CREG2: variants seen among roughly 807,000 people sequenced by gnomAD.
CREG2 encodes the protein protein CREG2.
In CREG2, 24 loss-of-function variants were observed where a neutral mutation model predicts 26.2. The ratio of observed to expected loss-of-function variants is 0.92; its 90% CI spans 0.66 to 1.29. The LOEUF is 1.29. Among genes scored for constraint, CREG2 ranks in the 50% most tolerant of loss-of-function variants. The probability of loss-of-function intolerance (pLI) is 0.00; values close to 1 mark genes in which losing one functional copy is unlikely to be tolerated. For missense variants in CREG2, 366 were observed against 398.6 expected (o/e 0.92, Z 0.70); for synonymous variants, 174 against 169.2 (o/e 1.03, Z -0.22).
At chr2:101,369,670 T>C (rs1684674157) in intron 2 of CREG2, among the ~76,000 whole-genome samples, 1 of 152,218 alleles carries the variant, frequency 6.6e-6, no homozygotes, top group African/African-American at 2.4e-5. Context: ...TATTTCCATG[T>C]GCGTCTTATA....
intron 3 of CREG2, among the ~76,000 whole-genome samples, chr2:101,351,741 T>C (rs934603826): frequency 2.0e-5 from 3 of 152,306 alleles, no homozygotes; most frequent in Middle Eastern, 3.4e-3. Flanking sequence ...GGGCAGGGGC[T>C]GTGGCTTACT....
At chr2:101,356,198 G>A (rs1004295237) in intron 2 of CREG2, among the ~76,000 whole-genome samples, 5 of 152,092 alleles carry the variant, frequency 3.3e-5, no homozygotes, top group African/African-American at 7.2e-5. Context: ...TTGCTTCTTC[G>A]CCTCTCGAAG....
In CREG2 at chr2:101,350,766, C is replaced by A. The variant is rs1030957785; in HGVS notation, c.*157G>T. ...ATGACCACTTTAATCTCAAATCTAG[C>A]ATAGAGTTCCCTGTTCACCCTCTCT... On this transcript the variant is annotated 3_prime_UTR_variant, in exon 4 of 4. Coordinates refer to ENST00000324768, the MANE Select transcript of CREG2 (RefSeq NM_153836.4). The A allele has an allele frequency of 7.0e-6, 5 of 711,290 alleles. No individual in the cohort carries two copies. The African/African-American group carries it at 8.8e-5, about 13-fold the overall frequency. 44.1% of individuals were successfully genotyped at this position (711,290 alleles called of 1,614,324 possible). A position where few individuals can be genotyped will look rare whatever the true frequency, so the allele number is the denominator to read the frequency against.
Position 101,346,119 on chromosome 2 carries a change from A to G in CREG2, c.*4804T>C, listed in dbSNP as rs1057408537. On this transcript the variant is annotated 3_prime_UTR_variant, in exon 4 of 4. Coordinates refer to ENST00000324768, the MANE Select transcript of CREG2 (RefSeq NM_153836.4). ...CTCCCAAAGTGTTTGGATTACAGGC[A>G]TGAGCTACCTTGCTCAGCCTAGAAA... 1 of 149,780 alleles carries G rather than the reference A, an allele frequency of 6.7e-6. No homozygotes were observed. Among genetic ancestry groups the G allele is most frequent in the East Asian group, 2.1e-4 (1 of 4,808 alleles). 9.3% of individuals were successfully genotyped at this position (149,780 alleles called of 1,614,324 possible).
intron 2 of CREG2, among the ~76,000 whole-genome samples, chr2:101,369,811 G>A (rs1396292282): frequency 6.6e-6 from 1 of 152,160 alleles, no homozygotes; most frequent in African/African-American, 2.4e-5. Context: ...TGGAATAGGT[G>A]GCCTGCATGG....
chr2:101,387,177 G>A lies in CREG2; in HGVS notation c.281C>T (p.Ala94Val). ...HLRPRAGAAR[A>V]RPPPAPPGMF... ...CCCGGGTGGCGCGGGGGGCGGCCTG[G>A]CCCGGGCGGCGCCCGCCCGGGGCCG... The change falls in exon 1 of 4, where the codon GCC (alanine) becomes GTC (valine). Residue 94 changes from alanine to valine, a missense_variant. Ala to Val is a moderately conservative substitution (Grantham distance 64). Coordinates refer to ENST00000324768, the MANE Select transcript of CREG2 (RefSeq NM_153836.4). This position sits in a 1 kb window ranked among gnomAD's most constrained non-coding sequence, Gnocchi z 4.7. 2.3e-6 allele frequency: 3 copies of A among 1,322,708 alleles called. No homozygotes were observed. The highest frequency in any genetic ancestry group is 2.9e-6 in the Non-Finnish European group (3 of 1,028,650). 81.9% of individuals were successfully genotyped at this position (1,322,708 alleles called of 1,614,324 possible).
intron 2 of CREG2, among the ~76,000 whole-genome samples, chr2:101,378,508 A>G (rs755334222): frequency 6.6e-6 from 1 of 152,168 alleles, no homozygotes; most frequent in African/African-American, 2.4e-5. Context: ...AGGAGTTCGC[A>G]CTTTATAACA....
chr2:101,350,889 A>C lies in CREG2; in HGVS notation c.*34T>G. 6.2e-7 allele frequency: 1 copy of C among 1,609,080 alleles called. No homozygotes were observed. Among genetic ancestry groups the C allele is most frequent in the East Asian group, 2.2e-5 (1 of 44,864 alleles). On this transcript the variant is annotated 3_prime_UTR_variant, in exon 4 of 4. Transcript: ENST00000324768. Reference sequence around the variant, plus strand: ...TGCATCACTGAAAAGGTTTTCATTTAAGTGCAAACACCAAGGACTTTCTTC... The same window carrying C: ...TGCATCACTGAAAAGGTTTTCATTTCAGTGCAAACACCAAGGACTTTCTTC...
At position 101,384,277 on chromosome 2, in the gene CREG2, G is replaced by A. The variant is rs920198579; in HGVS notation, c.442-575C>T. Among the ~76,000 whole-genome samples the A allele has an allele frequency of 1.1e-4, 17 of 152,086 alleles. 1 individual carries two copies. Among genetic ancestry groups the A allele is most frequent in the African/African-American group, 1.4e-4 (6 of 41,404 alleles). ...TGTAATCAATAATATTTCATTGTAC[G>A]ACTCAGCAAGTTATGAGAAATTGAT... On this transcript the variant is annotated intron_variant, in intron 1 of 3. Coordinates refer to ENST00000324768, the MANE Select transcript of CREG2 (RefSeq NM_153836.4).
intron 2 of CREG2, among the ~76,000 whole-genome samples, chr2:101,370,588 T>A (rs1684689187): frequency 6.6e-6 from 1 of 152,176 alleles, no homozygotes; most frequent in Admixed American, 6.5e-5. Context: ...ATCCTCTTAT[T>A]TAACTGTGGA....
intron 3 of CREG2, among the ~76,000 whole-genome samples, chr2:101,352,425 A>G (rs943166680): frequency 6.6e-6 from 1 of 152,262 alleles, no homozygotes; most frequent in African/African-American, 2.4e-5. Context: ...GGTGCAGCAA[A>G]CCCTAATCCA....
At chr2:101,371,562 G>A (rs1009585704) in intron 2 of CREG2, among the ~76,000 whole-genome samples, 13 of 152,212 alleles carry the variant, frequency 8.5e-5, no homozygotes, top group African/African-American at 3.1e-4. Context: ...CAGCCTCCTA[G>A]TCTGAACGAT....
At chr2:101,360,982 A>C (rs1432087278) in intron 2 of CREG2, among the ~76,000 whole-genome samples, 1 of 152,206 alleles carries the variant, frequency 6.6e-6, no homozygotes, top group Non-Finnish European at 1.5e-5. Flanking sequence ...TTGTGTCTGA[A>C]TGATACTGTC....
intron 2 of CREG2, among the ~76,000 whole-genome samples, chr2:101,366,667 C>G (rs1479951634): frequency 6.6e-6 from 1 of 151,928 alleles, no homozygotes; most frequent in South Asian, 2.1e-4. Flanking sequence ...ACTAAAAATA[C>G]AAAAATTAGC....
At chr2:101,351,656 C>T (rs2104468018) in intron 3 of CREG2, among the ~76,000 whole-genome samples, 1 of 152,310 alleles carries the variant, frequency 6.6e-6, no homozygotes. Context: ...CAGGCAACGT[C>T]ACATCCCGTC....
chr2:101,348,612 A>G lies in CREG2; in HGVS notation c.*2311T>C, dbSNP rs978381794. ...TTCATCGTTAGCATAGAGAAATGCA[A>G]TTGACTTTTGTATGCTGATCTTGTG... On this transcript the variant is annotated 3_prime_UTR_variant, in exon 4 of 4. Coordinates refer to ENST00000324768, the MANE Select transcript of CREG2 (RefSeq NM_153836.4). 2 of 152,102 alleles carry G rather than the reference A, an allele frequency of 1.3e-5. No individual in the cohort carries two copies. Among genetic ancestry groups the G allele is most frequent in the Non-Finnish European group, 2.9e-5 (2 of 68,024 alleles). 9.4% of individuals were successfully genotyped at this position (152,102 alleles called of 1,614,324 possible). A position where few individuals can be genotyped will look rare whatever the true frequency, so the allele number is the denominator to read the frequency against.
intron 1 of CREG2, among the ~76,000 whole-genome samples, chr2:101,386,309 C>G (rs1250676862): frequency 6.6e-6 from 1 of 152,118 alleles, no homozygotes; most frequent in Non-Finnish European, 1.5e-5. Flanking sequence ...ACATTACTGC[C>G]TTGTAGCTCT....
chr2:101,356,846 C>A (rs1052878348), intron 2 of CREG2, among the ~76,000 whole-genome samples: 1 of 152,044 alleles, frequency 6.6e-6, no homozygotes, highest in Admixed American at 6.5e-5. Context: ...GACTTGTTTC[C>A]ACTGTAAAGG....
intron 2 of CREG2, among the ~76,000 whole-genome samples, chr2:101,367,710 A>T (rs1024348301): frequency 7.9e-5 from 12 of 152,326 alleles, no homozygotes; most frequent in African/African-American, 2.6e-4. Context: ...ATCCTGAGAG[A>T]GAGAGATTAT....
Sources: gnomAD v4.1 joint callset for allele counts (sites outside exome capture counted in the v4.1 genomes callset) on GRCh38, gnomAD v4.1.1 for gene constraint, Gnocchi (gnomAD v3.1) non-coding constraint, MANE v1.5 for transcripts, NCBI Gene and HGNC (gene_info 2026-07-23, HGNC 2026-07-21) for gene names.